The following DTNA variants were observed in gnomAD, a reference collection of about 807,000 sequenced individuals.
The protein encoded by DTNA is dystrophin-related protein 3.
Under a neutral mutation model 100.7 loss-of-function variants are expected in DTNA, and 43 were observed. That is an observed-to-expected ratio of 0.43 (90% CI 0.33 to 0.55). The LOEUF (loss-of-function observed/expected upper bound fraction) is 0.55. Among genes scored for constraint, DTNA ranks in the 20% least tolerant of loss-of-function variants. The pLI is 0.04. For synonymous variants in DTNA, 349 were observed against 347.9 expected, an observed-to-expected ratio of 1.00 and a Z score of -0.04; for missense variants, 798 against 953.9, an observed-to-expected ratio of 0.84 and a Z score of 2.15.
rs150175741 is a variant in DTNA, at chr18:34,647,282, G to A, written c.-1-108694G>A. ...TCCACCTACCAGTCCAGGATGGGTG[G>A]TCCTGATCAGCAGGTGGCTTTCCTC... On this transcript the variant is annotated intron_variant, in intron 1 of 19. Transcript: ENST00000283365. Among the ~76,000 whole-genome samples, 366 of 152,130 alleles carry A rather than the reference G, an allele frequency of 2.4e-3. 1 individual carries two copies. Among genetic ancestry groups the A allele is most frequent in the African/African-American group, 8.5e-3 (352 of 41,516 alleles).
At chr18:34,724,646 A>G (rs961812517) in intron 1 of DTNA, among the ~76,000 whole-genome samples, 5 of 152,160 alleles carry the variant, frequency 3.3e-5, no homozygotes, top group Admixed American at 2.6e-4. Context: ...GTGTGAATTG[A>G]TACAGTGAGA....
intron 1 of DTNA, among the ~76,000 whole-genome samples, chr18:34,533,186 C>A (rs2043321082): frequency 6.6e-6 from 1 of 151,648 alleles, no homozygotes; most frequent in Admixed American, 6.6e-5. Flanking sequence ...GCCTGACCAA[C>A]ATGGTAAAAC....
At chr18:34,519,967 T>C (rs2042008331) in intron 1 of DTNA, among the ~76,000 whole-genome samples, 1 of 152,214 alleles carries the variant, frequency 6.6e-6, no homozygotes, top group Admixed American at 6.5e-5. Context: ...ATAACTCACA[T>C]TGTAATGTTT....
chr18:34,869,394 C>G (rs532854693), intron 17 of DTNA, among the ~76,000 whole-genome samples: 3 of 152,206 alleles, frequency 2.0e-5, no homozygotes, highest in African/African-American at 7.2e-5. Flanking sequence ...TTGAAAAGGA[C>G]TTTTAATTTG....
At chr18:34,781,237 C>T (rs904018850) in intron 3 of DTNA, among the ~76,000 whole-genome samples, 1 of 151,940 alleles carries the variant, frequency 6.6e-6, no homozygotes, top group African/African-American at 2.4e-5. Flanking sequence ...TTTTCATGGG[C>T]TTTTTAAAAA....
chr18:34,890,088 C>A lies in DTNA; in HGVS notation c.*2354C>A. 1 of 1,396,226 alleles carries A rather than the reference C, an allele frequency of 7.2e-7. No individual in the cohort carries two copies. Among genetic ancestry groups the A allele is most frequent in the Non-Finnish European group, 9.3e-7 (1 of 1,079,146 alleles). The allele number at this position is 1,396,226 out of a possible 1,614,324, so 86.5% of individuals were successfully genotyped here. ...TCCACCACTGACTGGACCGAGCTGG[C>A]ATATGTTGTTTCTTTGTGTTTCTAC... is the stretch of plus-strand genomic sequence containing the variant. On this transcript the variant is annotated 3_prime_UTR_variant, in exon 23 of 23. Transcript: ENST00000444659.
chr18:34,498,838 A>G (rs1392742684), intron 1 of DTNA, among the ~76,000 whole-genome samples: 1 of 152,244 alleles, frequency 6.6e-6, no homozygotes, highest in Non-Finnish European at 1.5e-5. Context: ...CATATAAATC[A>G]TACTATACAT....
chr18:34,752,408 A>T (rs983201124), intron 1 of DTNA, among the ~76,000 whole-genome samples: 7 of 152,204 alleles, frequency 4.6e-5, no homozygotes, highest in African/African-American at 1.7e-4. Context: ...TGTGTCTCAG[A>T]TCCCATTGAT....
intron 1 of DTNA, among the ~76,000 whole-genome samples, chr18:34,572,261 C>A (rs1252557475): frequency 1.3e-5 from 2 of 152,136 alleles, no homozygotes; most frequent in Non-Finnish European, 1.5e-5. Flanking sequence ...CTAAGTGATT[C>A]AAATCTGCTG....
intron 1 of DTNA, among the ~76,000 whole-genome samples, chr18:34,722,470 A>G (rs2085544154): frequency 6.6e-6 from 1 of 152,142 alleles, no homozygotes; most frequent in South Asian, 2.1e-4. Flanking sequence ...AGAGTTAAAT[A>G]CTTACTATAA....
intron 1 of DTNA, among the ~76,000 whole-genome samples, chr18:34,603,414 G>A (rs114184854): frequency 0.011 from 1,706 of 150,540 alleles, 31 homozygotes; most frequent in South Asian, 0.05. Flanking sequence ...TTTTTTTTTA[G>A]CAGTTTTTAT....
chr18:34,812,673 G>C (rs573779288), intron 6 of DTNA, among the ~76,000 whole-genome samples: 1 of 152,210 alleles, frequency 6.6e-6, no homozygotes, highest in Admixed American at 6.5e-5. Context: ...CCTCCCACCA[G>C]GTCTCTCCCT....
At position 34,733,215 on chromosome 18, in the gene DTNA, C is replaced by T. The variant is rs533726047; in HGVS notation, c.-1-22761C>T. Among the ~76,000 whole-genome samples the T allele has an allele frequency of 5.3e-5, 8 of 152,276 alleles. No homozygotes were observed. In the East Asian group the frequency reaches 1.5e-3, roughly 29 times the overall value. On this transcript the variant is annotated intron_variant, in intron 1 of 22. Coordinates refer to ENST00000444659, the MANE Select transcript of DTNA (RefSeq NM_001386795.1). Reference sequence around the variant, plus strand: ...GTCTTTCCTCAAAAGGAGCCAGCCTCCCCTTCATTCGAAGGCTTCTGGGTC... The same window carrying T: ...GTCTTTCCTCAAAAGGAGCCAGCCTTCCCTTCATTCGAAGGCTTCTGGGTC...
At chr18:34,554,436 C>T (rs1192852212) in intron 1 of DTNA, among the ~76,000 whole-genome samples, 2 of 149,770 alleles carry the variant, frequency 1.3e-5, no homozygotes, top group African/African-American at 2.5e-5. Flanking sequence ...TGAGAGAGGG[C>T]ATCCCTGTCT....
chr18:34,850,032 A>G (rs994860087), intron 14 of DTNA, among the ~76,000 whole-genome samples: 11 of 152,236 alleles, frequency 7.2e-5, no homozygotes, highest in Non-Finnish European at 1.5e-5. Flanking sequence ...TACTTACACT[A>G]TATATAATCT....
At chr18:34,602,168 A>G (rs1325291598) in intron 1 of DTNA, among the ~76,000 whole-genome samples, 1 of 152,216 alleles carries the variant, frequency 6.6e-6, no homozygotes, top group African/African-American at 2.4e-5. Flanking sequence ...ACTATAATCG[A>G]TAAAACTCAG....
At chr18:34,601,462 C>T (rs769857635) in intron 1 of DTNA, among the ~76,000 whole-genome samples, 4 of 152,076 alleles carry the variant, frequency 2.6e-5, no homozygotes, top group Non-Finnish European at 4.4e-5. Flanking sequence ...CTGAGCCCAG[C>T]GTCTGGAGTC....
chr18:34,838,699 C>T, intron 12 of DTNA, 46 bp from the exon 13 acceptor site: 1 of 1,529,312 alleles, frequency 6.5e-7, no homozygotes, highest in South Asian at 1.1e-5. Context: ...TTATTTCTGT[C>T]CACCTCTCTT....
chr18:34,649,745 A>C (rs1034329122), intron 1 of DTNA, among the ~76,000 whole-genome samples: 3 of 152,258 alleles, frequency 2.0e-5, no homozygotes, highest in Non-Finnish European at 2.9e-5. Context: ...CTCCAGATTA[A>C]CTTTTACCTA....
Sources: gnomAD v4.1 joint callset for allele counts (sites outside exome capture counted in the v4.1 genomes callset) on GRCh38, gnomAD v4.1.1 for gene constraint, MANE v1.5 for transcripts, NCBI Gene and HGNC (gene_info 2026-07-23, HGNC 2026-07-21) for gene names.